CROCC: variants seen among roughly 807,000 people sequenced by gnomAD.
CROCC encodes ciliary rootlet coiled-coil, rootletin.
CROCC carries 180 observed loss-of-function variants against 245.2 expected under a neutral mutation model. The observed-to-expected ratio is 0.73, with a 90% CI of 0.65 to 0.83. The LOEUF is 0.83. Among genes scored for constraint, CROCC ranks in the 40% least tolerant of loss-of-function variants. CROCC has a pLI of 0.00. For missense variants in CROCC, 2,688 were observed against 2,779.4 expected, an observed-to-expected ratio of 0.97 and a Z score of 0.74; for synonymous variants, 1,205 against 1,241.6, an observed-to-expected ratio of 0.97 and a Z score of 0.62.
rs367628005 is a variant in CROCC at position 16,939,929 on chromosome 1, A to G, written c.1644A>G (p.Leu548=). The G allele has an allele frequency of 8.4e-5, 135 of 1,612,490 alleles. No individual in the cohort carries two copies. The highest frequency in any genetic ancestry group is 3.1e-4 in the East Asian group (14 of 44,852). ...GGCGCTATGAGGCAAGCCAGGACCTACTGGGCACCCTGCGGAAGCAGCTTA... is the reference window on the plus strand; with the variant it reads ...GGCGCTATGAGGCAAGCCAGGACCTGCTGGGCACCCTGCGGAAGCAGCTTA... ...MRGRYEASQD[L]LGTLRKQLSD... Residue 548 remains leucine, a synonymous_variant, in exon 13 of 37, where the codon CTA becomes CTG. Coordinates refer to ENST00000375541, the MANE Select transcript of CROCC (RefSeq NM_014675.5).
At chr1:16,933,755 G>A (rs1475660926) in intron 8 of CROCC, among the ~76,000 whole-genome samples, 1 of 152,242 alleles carries the variant, frequency 6.6e-6, no homozygotes, top group Non-Finnish European at 1.5e-5. Context: ...TAGTAGAGAT[G>A]GGGGCTTCAC....
At chr1:16,922,520 G>A in intron 1 of CROCC, 143 bp from the exon 2 acceptor site, 1 of 1,261,102 alleles carries the variant, frequency 7.9e-7, no homozygotes, top group South Asian at 1.5e-5. Context: ...GGATTTTTTG[G>A]ATTCTAACTC....
Position 16,969,320 on chromosome 1 carries a change from C to T in CROCC, c.5281C>T (p.His1761Tyr). The T allele has an allele frequency of 1.9e-6, 3 of 1,611,734 alleles. No homozygotes were observed. Among genetic ancestry groups the T allele is most frequent in the Non-Finnish European group, 2.5e-6 (3 of 1,179,688 alleles). ...GCAGAAGGCTCTGACCGCCTGTGAA[C>T]ATGACCGCCAAGTACTCCAGGTCTC... ...HLQKALTACE[H>Y]DRQVLQERLD... The change falls in exon 32 of 37, where the codon CAT (histidine) becomes TAT (tyrosine). Residue 1761 changes from histidine (H) to tyrosine (Y), a missense_variant. By Grantham distance (83) the His-to-Tyr change is moderately conservative. Around this residue, in one of 9 missense-constraint regions of CROCC, gnomAD observed 1,218 missense variants for 1,286.3 expected, o/e 0.95. Transcript: ENST00000375541.
At position 16,954,419 on chromosome 1, in the gene CROCC, C is replaced by G. The variant is rs1196372928; in HGVS notation, c.3321+62C>G. On this transcript the variant is annotated intron_variant, in intron 22 of 36. Transcript: ENST00000375541. This position sits in a 1 kb window ranked among gnomAD's most constrained non-coding sequence, Gnocchi z 4.4. ...GAGAGGCACATCCCTGGCTGAGGAGCCCCCACCACGGGGCGGCATGGCCCT... is the reference window on the plus strand; with the variant it reads ...GAGAGGCACATCCCTGGCTGAGGAGGCCCCACCACGGGGCGGCATGGCCCT... 3 of 1,559,752 alleles carry G rather than the reference C, an allele frequency of 1.9e-6. No individual in the cohort carries two copies. The South Asian group carries it at 3.5e-5, about 18-fold the overall frequency.
chr1:16,962,107 A>G (rs2076343019), intron 27 of CROCC, among the ~76,000 whole-genome samples: 1 of 150,902 alleles, frequency 6.6e-6, no homozygotes, highest in Admixed American at 6.6e-5. Flanking sequence ...CTGTTGCCCA[A>G]GCTGGAGTGC....
Position 16,970,450 on chromosome 1 carries a change from C to G in CROCC, c.5649C>G (p.Asp1883Glu). 1 of 1,578,416 alleles carries G rather than the reference C, an allele frequency of 6.3e-7. No homozygotes were observed. Among genetic ancestry groups the G allele is most frequent in the Non-Finnish European group, 8.6e-7 (1 of 1,158,800 alleles). ...KDRVALRRTL[D>E]KVEREKLRSH... ...GTGTAGCCCTCAGGAGGACGCTGGA[C>G]AAGGTAGGCTGCTCCCCAGGCTCTC... The change falls in exon 34 of 37, where the codon GAC becomes GAG. Residue 1883 changes from aspartate (D) to glutamate (E), a missense_variant. Asp to Glu is a conservative substitution (Grantham distance 45, BLOSUM62 2). Around this residue, in one of 9 missense-constraint regions of CROCC, gnomAD observed 1,218 missense variants for 1,286.3 expected, o/e 0.95. Coordinates refer to ENST00000375541, the MANE Select transcript of CROCC (RefSeq NM_014675.5).
At chr1:16,956,216 C>T in intron 25 of CROCC, 60 bp downstream of exon 25, 1 of 1,443,214 alleles carries the variant, frequency 6.9e-7, no homozygotes, top group Non-Finnish European at 9.2e-7. Context: ...GCCAATAGCT[C>T]CCCCTTTCTG....
rs144691801 is a variant in CROCC at position 16,969,453 on chromosome 1, C to T, written c.5301+113C>T. 1.6e-4 allele frequency: 171 copies of T among 1,076,656 alleles called. No individual in the cohort carries two copies. In the East Asian group the frequency reaches 4.3e-3, roughly 27 times the overall value. The allele number at this position is 1,076,656 out of a possible 1,614,324, so 66.7% of individuals were successfully genotyped here. A position where few individuals can be genotyped will look rare whatever the true frequency, so the allele number is the denominator to read the frequency against. ...CAGCCAATGGGGCAGTCAGTTGGAG[C>T]CAATGAGAGCAGGCTTTGAAGGGAG... On this transcript the variant is annotated intron_variant, in intron 32 of 36. Coordinates refer to ENST00000375541, the MANE Select transcript of CROCC (RefSeq NM_014675.5).
At chr1:16,916,897 C>A (rs2075311445) in intron 1 of CROCC, among the ~76,000 whole-genome samples, 1 of 152,266 alleles carries the variant, frequency 6.6e-6, no homozygotes. Context: ...GCGGGTAGAT[C>A]ACTTGAGGTC....
chr1:16,946,462 G>A, intron 16 of CROCC, 57 bp downstream of exon 16: 1 of 1,586,712 alleles, frequency 6.3e-7, no homozygotes, highest in Non-Finnish European at 8.6e-7. Flanking sequence ...CCCACTCAGT[G>A]AGGCACCCCG....
chr1:16,947,717 G>T (rs1473039474), intron 17 of CROCC, among the ~76,000 whole-genome samples: 1 of 152,364 alleles, frequency 6.6e-6, no homozygotes, highest in East Asian at 1.9e-4. Context: ...CTGCCGAGCA[G>T]CTGCACTTGG....
chr1:16,951,253 A>T (rs1291025693), intron 20 of CROCC, 131 bp downstream of exon 20: 1 of 803,696 alleles, frequency 1.2e-6, no homozygotes, highest in Non-Finnish European at 1.8e-6. Context: ...GACAGCTAGG[A>T]GGACTGGGGG....
intron 1 of CROCC, among the ~76,000 whole-genome samples, chr1:16,914,579 C>A (rs1407046450): frequency 6.6e-6 from 1 of 152,286 alleles, no homozygotes; most frequent in East Asian, 1.9e-4. Flanking sequence ...TCGGAAGCAT[C>A]TCCATTGTGC....
At chr1:16,916,799 C>G (rs1226468354) in intron 1 of CROCC, among the ~76,000 whole-genome samples, 14 of 152,296 alleles carry the variant, frequency 9.2e-5, no homozygotes, top group Admixed American at 9.2e-4. Flanking sequence ...AGGTGTGAGT[C>G]AGTGCACCCG....
Position 16,938,959 on chromosome 1 carries a change from C to T in CROCC, c.1425C>T (p.Arg475=). ...ESGVQLSGSE[R]TADASNGSLR... ...GCGTCCAGCTGAGCGGCTCTGAGCGCACCGCGGATGCTTCCAACGGCAGCC... is the reference window on the plus strand; with the variant it reads ...GCGTCCAGCTGAGCGGCTCTGAGCGTACCGCGGATGCTTCCAACGGCAGCC... The change falls in exon 12 of 37, where the codon CGC becomes CGT. Residue 475 remains arginine, a synonymous_variant. Transcript: ENST00000375541. 6.2e-7 allele frequency: 1 copy of T among 1,605,184 alleles called. No individual in the cohort carries two copies. The highest frequency in any genetic ancestry group is 8.5e-7 in the Non-Finnish European group (1 of 1,177,698).
chr1:16,929,966 A>G lies in CROCC; in HGVS notation c.472A>G (p.Lys158Glu). The G allele has an allele frequency of 1.9e-6, 3 of 1,586,930 alleles. No homozygotes were observed. Among genetic ancestry groups the G allele is most frequent in the Non-Finnish European group, 2.6e-6 (3 of 1,170,008 alleles). ...GGAGGAGCAGGCCTCCTACCGGCGC[A>G]AGCTGCAGGCCTACCAGGAGGGCCA... Reference protein sequence around the residue: ...LQEEQASYRRKLQAYQEGQQR... With the variant: ...LQEEQASYRRELQAYQEGQQR... Residue 158 changes from lysine to glutamate, a missense_variant, in exon 4 of 37, where the codon AAG becomes GAG. Physicochemically the swap from Lys to Glu is moderately conservative, Grantham distance 56. Around this residue, in one of 9 missense-constraint regions of CROCC, gnomAD observed 972 missense variants for 895.3 expected, o/e 1.09. Transcript: ENST00000375541.
intron 3 of CROCC, 76 bp downstream of exon 3, chr1:16,924,555 A>C: frequency 6.4e-7 from 1 of 1,551,154 alleles, no homozygotes; most frequent in Non-Finnish European, 8.8e-7. Context: ...GACCAGGCCC[A>C]CACACGGGGC....
chr1:16,962,246 G>T (rs984691692), intron 27 of CROCC, among the ~76,000 whole-genome samples: 2 of 151,484 alleles, frequency 1.3e-5, no homozygotes, highest in Non-Finnish European at 2.9e-5. Context: ...TGTATTTTTA[G>T]TAGAGACGGG....
chr1:16,923,040 C>T (rs142436035), intron 2 of CROCC, among the ~76,000 whole-genome samples: 238 of 152,370 alleles, frequency 1.6e-3, no homozygotes, highest in African/African-American at 5.5e-3. Context: ...TGCGTGCTTG[C>T]CTGTAGCCTG....
Sources: allele counts gnomAD v4.1 joint callset (sites outside exome capture counted in the v4.1 genomes callset), GRCh38; gene constraint gnomAD v4.1.1; regional missense constraint gnomAD v4.1.1; non-coding constraint Gnocchi (gnomAD v3.1); transcripts MANE v1.5; gene names NCBI Gene and HGNC (gene_info 2026-07-23, HGNC 2026-07-21).